Variants in FBXO4 observed in about 807,000 individuals in gnomAD.
FBXO4 encodes F-box only protein 4.
In FBXO4, 36 loss-of-function variants were observed where a neutral mutation model predicts 43.7. That is an observed-to-expected ratio of 0.82 (90% CI 0.63 to 1.09). The LOEUF is 1.09. FBXO4 is among the 50% of genes least tolerant of loss of function. FBXO4 has a pLI of 0.00. For missense variants in FBXO4, 435 were observed against 474.1 expected (o/e 0.92, Z 0.77); for synonymous variants, 180 against 165.6 (o/e 1.09, Z -0.67).
At chr5:41,934,864 T>A in intron 5 of FBXO4, 6 of 988,258 alleles carry the variant, frequency 6.1e-6, no homozygotes, top group Non-Finnish European at 7.2e-6. Flanking sequence ...AATCAAAATA[T>A]CATTGGGCCA....
In FBXO4 at chr5:41,925,335, G is replaced by A. The variant is rs1249235394; in HGVS notation, c.26G>A (p.Gly9Glu). The change falls in exon 1 of 7, where the codon GGA becomes GAA. Residue 9 changes from glycine to glutamate, a missense_variant. Gly to Glu is a moderately conservative substitution (Grantham distance 98, BLOSUM62 -2). Coordinates refer to ENST00000281623, the MANE Select transcript of FBXO4 (RefSeq NM_012176.3). The stretch of plus-strand genomic sequence containing the variant: ...ATGGCGGGAAGCGAGCCGCGCAGCG[G>A]AACAAACTCGCCGCCGCCGCCCTTC... MAGSEPRS[G>E]TNSPPPPFSD... is the part of the protein sequence containing the mutation. The A allele has an allele frequency of 7.3e-7, 1 of 1,363,270 alleles. No homozygotes were observed. Among genetic ancestry groups the A allele is most frequent in the Non-Finnish European group, 9.5e-7 (1 of 1,054,214 alleles). 84.4% of individuals were successfully genotyped at this position (1,363,270 alleles called of 1,614,324 possible).
At chr5:41,987,901 A>G in the FBXO4 span, among the ~76,000 whole-genome samples, 4 of 152,184 alleles carry the variant, frequency 2.6e-5, no homozygotes, top group South Asian at 2.1e-4. Flanking sequence ...TTTATCCACT[A>G]GAGCTTTACC....
the FBXO4 span, among the ~76,000 whole-genome samples, chr5:41,963,157 C>T: frequency 6.6e-6 from 1 of 151,916 alleles, no homozygotes; most frequent in East Asian, 1.9e-4. Flanking sequence ...TATAAATGAT[C>T]ATTTTTCTCT....
At chr5:41,948,101 CCTT>C in the FBXO4 span, among the ~76,000 whole-genome samples, 1 of 151,328 alleles carries the variant, frequency 6.6e-6, no homozygotes, top group African/African-American at 2.4e-5. Context: ...TTTTAAATGA[CCTT>C]ATTGTTAGCC....
chr5:41,957,773 C>T, the FBXO4 span, among the ~76,000 whole-genome samples: 1 of 151,860 alleles, frequency 6.6e-6, no homozygotes, highest in South Asian at 2.1e-4. Flanking sequence ...ATCACATTTT[C>T]TTCTTTCTTC....
At chr5:42,013,229 A>G in the FBXO4 span, among the ~76,000 whole-genome samples, 1 of 152,124 alleles carries the variant, frequency 6.6e-6, no homozygotes, top group Admixed American at 6.5e-5. Flanking sequence ...GCAGTGAGCC[A>G]CAATTGCACT....
At chr5:41,986,786 T>C in the FBXO4 span, among the ~76,000 whole-genome samples, 3 of 152,078 alleles carry the variant, frequency 2.0e-5, no homozygotes, top group Admixed American at 6.6e-5. Context: ...AAGGAGAAGG[T>C]TTGTGAATCC....
the FBXO4 span, among the ~76,000 whole-genome samples, chr5:42,001,244 T>C: frequency 1.3e-5 from 2 of 149,046 alleles, no homozygotes; most frequent in Non-Finnish European, 2.9e-5. Context: ...TTCATTCATT[T>C]ATTGAGACGG....
the FBXO4 span, chr5:41,951,622 G>GC: frequency 4.8e-6 from 1 of 207,202 alleles, no homozygotes; most frequent in Non-Finnish European, 9.8e-6. Flanking sequence ...TCTCCCATGG[G>GC]TGTTCACAGG....
chr5:42,023,061 T>G, the FBXO4 span, among the ~76,000 whole-genome samples: 2 of 152,026 alleles, frequency 1.3e-5, no homozygotes, highest in African/African-American at 4.8e-5. Flanking sequence ...ATCTAACACT[T>G]GATGCACTCC....
chr5:41,976,597 T>C, the FBXO4 span, among the ~76,000 whole-genome samples: 4 of 152,230 alleles, frequency 2.6e-5, no homozygotes, highest in African/African-American at 9.6e-5. Context: ...ATGTCCTGCA[T>C]CCAGAGCACA....
At chr5:41,999,512 T>TATATATATAC in the FBXO4 span, among the ~76,000 whole-genome samples, 1 of 109,436 alleles carries the variant, frequency 9.1e-6, no homozygotes, top group African/African-American at 4.3e-5. Flanking sequence ...TATGTGTATA[T>TATATATATAC]ATATATATAT....
At chr5:41,968,486 C>G in the FBXO4 span, 1 of 152,276 alleles carries the variant, frequency 6.6e-6, no homozygotes, top group Non-Finnish European at 1.5e-5. Flanking sequence ...TTAAGTTCCG[C>G]AGAAAAGTAG....
At chr5:41,963,236 G>A in the FBXO4 span, among the ~76,000 whole-genome samples, 1 of 151,262 alleles carries the variant, frequency 6.6e-6, no homozygotes, top group Non-Finnish European at 1.5e-5. Flanking sequence ...TAATATATAT[G>A]CTATATATGT....
the FBXO4 span, among the ~76,000 whole-genome samples, chr5:41,970,944 T>C: frequency 2.6e-5 from 4 of 151,886 alleles, no homozygotes; most frequent in Non-Finnish European, 5.9e-5. Context: ...AAAAAGTTAG[T>C]ATTATGAAAA....
chr5:41,964,933 G>T, the FBXO4 span, among the ~76,000 whole-genome samples: 2 of 151,990 alleles, frequency 1.3e-5, no homozygotes, highest in African/African-American at 4.8e-5. Context: ...ATTGCTTTTG[G>T]TGTTTTAGAC....
chr5:41,925,377 T>A lies in FBXO4; in HGVS notation c.68T>A (p.Leu23Gln). The change falls in exon 1 of 7, where the codon CTG becomes CAG. Residue 23 changes from leucine to glutamine, a missense_variant. Coordinates refer to ENST00000281623, the MANE Select transcript of FBXO4 (RefSeq NM_012176.3). ...CCGCCCTTCAGCGACTGGGGCCGCC[T>A]GGAGGCGGCCATCCTCAGCGGCTGG... ...PPPPFSDWGR[L>Q]EAAILSGWKT... The A allele has an allele frequency of 2.9e-6, 4 of 1,380,068 alleles. 1 individual carries two copies. Among genetic ancestry groups the A allele is most frequent in the Non-Finnish European group, 3.8e-6 (4 of 1,062,916 alleles). 85.5% of individuals were successfully genotyped at this position (1,380,068 alleles called of 1,614,324 possible).
chr5:41,973,439 T>C, the FBXO4 span, among the ~76,000 whole-genome samples: 1 of 152,148 alleles, frequency 6.6e-6, no homozygotes, highest in Non-Finnish European at 1.5e-5. Context: ...TACTTTGGAA[T>C]GGTGAGGCGA....
intron 2 of FBXO4, 95 bp downstream of exon 2, chr5:41,927,343 G>A (rs925567872): frequency 1.6e-5 from 15 of 927,388 alleles, no homozygotes; most frequent in Admixed American, 2.7e-5. Flanking sequence ...CTACTGATTT[G>A]TTGCGTGGAT....
Sources: allele counts gnomAD v4.1 joint callset (sites outside exome capture counted in the v4.1 genomes callset), GRCh38; gene constraint gnomAD v4.1.1; transcripts MANE v1.5; gene names NCBI Gene and HGNC (gene_info 2026-07-23, HGNC 2026-07-21).